Variants in PIK3R1 observed in about 807,000 individuals in gnomAD.
PIK3R1 encodes phosphoinositide-3-kinase regulatory subunit 1.
In PIK3R1, 29 loss-of-function variants were observed where a neutral mutation model predicts 98.0. The ratio of observed to expected loss-of-function variants is 0.30; its 90% CI spans 0.22 to 0.40. The LOEUF is 0.40. Among genes scored for constraint, PIK3R1 ranks in the 10% least tolerant of loss-of-function variants. The probability of loss-of-function intolerance (pLI) is 1.00; values close to 1 mark genes in which losing one functional copy is unlikely to be tolerated. For synonymous variants in PIK3R1, 282 were observed against 311.8 expected (o/e 0.90, Z 1.01); for missense variants, 596 against 872.7 (o/e 0.68, Z 3.99).
At position 68,226,649 on chromosome 5, in the gene PIK3R1, C is replaced by G. The variant is rs1044168261; in HGVS notation, c.-27C>G. The G allele has an allele frequency of 6.4e-7, 1 of 1,571,654 alleles. No individual in the cohort carries two copies. The highest frequency in any genetic ancestry group is 1.7e-4 in the Middle Eastern group (1 of 5,950). ...GACTGCTCTGTACAACCAGGCTCAACTGTTGCATGGTAGCAGATTTGCAAA... is the reference window on the plus strand; with the variant it reads ...GACTGCTCTGTACAACCAGGCTCAAGTGTTGCATGGTAGCAGATTTGCAAA... On this transcript the variant is annotated 5_prime_UTR_variant, in exon 2 of 16. Coordinates refer to ENST00000521381, the MANE Select transcript of PIK3R1 (RefSeq NM_181523.3).
At chr5:68,229,372 G>A (rs886509833) in intron 2 of PIK3R1, among the ~76,000 whole-genome samples, 3 of 152,120 alleles carry the variant, frequency 2.0e-5, no homozygotes, top group African/African-American at 7.2e-5. Flanking sequence ...TTGTGTGAAG[G>A]CAAGAAATGA....
At chr5:68,294,364 A>G (rs1425785575) in intron 11 of PIK3R1, among the ~76,000 whole-genome samples, 172 bp from the exon 12 acceptor site, 3 of 152,226 alleles carry the variant, frequency 2.0e-5, no homozygotes, top group Non-Finnish European at 2.9e-5. Context: ...TTTTTCATAG[A>G]TTGAGAAAAT....
Position 68,290,706 on chromosome 5 carries a change from C to A in PIK3R1, c.917-1553C>A, listed in dbSNP as rs543931420. The A allele has an allele frequency of 2.9e-5, 46 of 1,598,364 alleles. No individual in the cohort carries two copies. The East Asian group carries it at 7.2e-4, about 25-fold the overall frequency. On this transcript the variant is annotated intron_variant, in intron 7 of 15. Coordinates refer to ENST00000521381, the MANE Select transcript of PIK3R1 (RefSeq NM_181523.3). ...CGGACTCTTTTCTTATAACTGAGCT[C>A]AGCCAAGGAAACTCTTGCACAAATG...
At position 68,272,079 on chromosome 5, in the gene PIK3R1, C is replaced by T. The variant is rs545575841; in HGVS notation, c.335-1311C>T. On this transcript the variant is annotated intron_variant, in intron 2 of 15. Coordinates refer to ENST00000521381, the MANE Select transcript of PIK3R1 (RefSeq NM_181523.3). The stretch of plus-strand genomic sequence containing the variant: ...CAGCCTGGGCAATATGGCAAAACCC[C>T]GTCTCTACTAAAAATATACAAAAAA... Among the ~76,000 whole-genome samples, 3 of 151,646 alleles carry T rather than the reference C, an allele frequency of 2.0e-5. No homozygotes were observed. In the East Asian group the frequency reaches 5.8e-4, roughly 29 times the overall value.
chr5:68,270,193 A>G (rs1303591762), intron 2 of PIK3R1, among the ~76,000 whole-genome samples: 3 of 152,210 alleles, frequency 2.0e-5, no homozygotes, highest in Non-Finnish European at 4.4e-5. Flanking sequence ...TGTGTAAAAC[A>G]TATAATGTTT....
chr5:68,245,709 T>A (rs1344701264), intron 2 of PIK3R1, among the ~76,000 whole-genome samples: 2 of 152,216 alleles, frequency 1.3e-5, no homozygotes, highest in Admixed American at 1.3e-4. Context: ...AAATTACTTT[T>A]TAGACTTAAG....
At chr5:68,291,798 G>C (rs949270286) in intron 7 of PIK3R1, 3 of 153,840 alleles carry the variant, frequency 2.0e-5, no homozygotes, top group African/African-American at 7.2e-5. Context: ...TTTTATTACT[G>C]CAACAGAGTT....
At chr5:68,277,633 T>A (rs1746636190) in intron 4 of PIK3R1, among the ~76,000 whole-genome samples, 1 of 152,216 alleles carries the variant, frequency 6.6e-6, no homozygotes, top group African/African-American at 2.4e-5. Flanking sequence ...TACTGTCATA[T>A]TCCATTCAAG....
chr5:68,296,445 T>C, intron 15 of PIK3R1, 104 bp downstream of exon 15: 1 of 1,076,834 alleles, frequency 9.3e-7, no homozygotes, highest in Non-Finnish European at 1.4e-6. Flanking sequence ...AGTTTTAGTC[T>C]TGAATAAGCT....
chr5:68,252,963 G>A (rs1745374783), intron 2 of PIK3R1, among the ~76,000 whole-genome samples: 1 of 151,944 alleles, frequency 6.6e-6, no homozygotes, highest in African/African-American at 2.4e-5. Flanking sequence ...TTCCCAGATG[G>A]CACCTGACAC....
chr5:68,289,555 A>G (rs1747262775), intron 7 of PIK3R1, among the ~76,000 whole-genome samples: 1 of 151,884 alleles, frequency 6.6e-6, no homozygotes, highest in Non-Finnish European at 1.5e-5. Flanking sequence ...ACCTTGGGGA[A>G]GAGCCCCTCC....
At chr5:68,239,852 A>G (rs376578511) in intron 2 of PIK3R1, 19 of 506,790 alleles carry the variant, frequency 3.7e-5, no homozygotes, top group East Asian at 2.2e-4. Context: ...AACAGACACA[A>G]GAACAACTGA....
At chr5:68,253,108 G>A (rs1745380863) in intron 2 of PIK3R1, among the ~76,000 whole-genome samples, 1 of 152,046 alleles carries the variant, frequency 6.6e-6, no homozygotes, top group African/African-American at 2.4e-5. Flanking sequence ...CCCCAGATTT[G>A]TCATAACACA....
At chr5:68,292,179 TAAAGTA>T in intron 7 of PIK3R1, 74 bp from the exon 8 acceptor site, 1 of 804,520 alleles carries the variant, frequency 1.2e-6, no homozygotes, top group Non-Finnish European at 2.0e-6. Flanking sequence ...TTTATTTTTT[TAAAGTA>T]AAAGTATTCA....
At chr5:68,265,312 T>G (rs1746078749) in intron 2 of PIK3R1, among the ~76,000 whole-genome samples, 1 of 152,234 alleles carries the variant, frequency 6.6e-6, no homozygotes, top group Non-Finnish European at 1.5e-5. Context: ...GACATTGACA[T>G]TTTCTAGACA....
At chr5:68,273,620 G>C in intron 3 of PIK3R1, 138 bp downstream of exon 3, 2 of 752,204 alleles carry the variant, frequency 2.7e-6, no homozygotes, top group Non-Finnish European at 4.6e-6. Flanking sequence ...CACTCAAACT[G>C]TTTGGGGCTA....
At chr5:68,231,411 A>T (rs556399120) in intron 2 of PIK3R1, among the ~76,000 whole-genome samples, 1 of 152,338 alleles carries the variant, frequency 6.6e-6, no homozygotes, top group South Asian at 2.1e-4. Context: ...GCTTACGCTA[A>T]ATTTTGATCA....
chr5:68,265,203 C>T (rs1243067092), intron 2 of PIK3R1, among the ~76,000 whole-genome samples: 1 of 137,552 alleles, frequency 7.3e-6, no homozygotes, highest in Non-Finnish European at 1.6e-5. Context: ...TTAATATGTA[C>T]ATTAAAGTTG....
chr5:68,268,964 A>G (rs1746234940), intron 2 of PIK3R1, among the ~76,000 whole-genome samples: 1 of 152,300 alleles, frequency 6.6e-6, no homozygotes. Context: ...TTTCTATTCC[A>G]TGTGATTGGC....
Sources: gnomAD v4.1 joint callset for allele counts (sites outside exome capture counted in the v4.1 genomes callset) on GRCh38, gnomAD v4.1.1 for gene constraint, MANE v1.5 for transcripts, NCBI Gene and HGNC (gene_info 2026-07-23, HGNC 2026-07-21) for gene names.